The following SUCLG2 variants were observed in gnomAD, a reference collection of about 807,000 sequenced individuals.
SUCLG2 encodes succinate--CoA ligase [GDP-forming] subunit beta, mitochondrial.
A neutral mutation model predicts 47.9 loss-of-function variants in SUCLG2; 42 were observed. The observed-to-expected ratio is 0.88, with a 90% CI of 0.69 to 1.14. SUCLG2 has a LOEUF of 1.14. SUCLG2 is among the 50% of genes most tolerant of loss of function. SUCLG2 has a pLI of 0.00. For missense variants in SUCLG2, 571 were observed against 525.9 expected (o/e 1.09, Z -0.84); for synonymous variants, 195 against 197.3 (o/e 0.99, Z 0.10).
intron 9 of SUCLG2, among the ~76,000 whole-genome samples, chr3:67,488,821 T>C (rs977855289): frequency 3.3e-5 from 5 of 152,204 alleles, no homozygotes; most frequent in African/African-American, 1.2e-4. Context: ...CTTTGATTCA[T>C]GGTCCATTTC....
intron 1 of SUCLG2, among the ~76,000 whole-genome samples, chr3:67,631,045 T>C (rs78490999): frequency 1.7e-3 from 256 of 152,296 alleles, no homozygotes; most frequent in African/African-American, 5.5e-3. Context: ...GCAGATAAAC[T>C]TCTTGAGAGT....
intron 9 of SUCLG2, among the ~76,000 whole-genome samples, chr3:67,418,399 G>A (rs1703081771): frequency 6.6e-6 from 1 of 152,242 alleles, no homozygotes. Context: ...TCAGAAAGCT[G>A]AAGTAGTTTG....
At chr3:67,620,244 A>G (rs1430074580) in intron 1 of SUCLG2, among the ~76,000 whole-genome samples, 2 of 152,176 alleles carry the variant, frequency 1.3e-5, no homozygotes, top group Admixed American at 6.5e-5. Context: ...CACATTAATG[A>G]AGAGTGTAAT....
chr3:67,476,189 TACTGGTCCATGGCCTGTTAGGA>T (rs963020801), intron 9 of SUCLG2, among the ~76,000 whole-genome samples: 6 of 152,028 alleles, frequency 3.9e-5, no homozygotes, highest in Non-Finnish European at 7.4e-5. Context: ...CATGGACCAG[TACTGGTCCATGGCCTGTTAGGA>T]ACTGGGCCGC....
intron 2 of SUCLG2, among the ~76,000 whole-genome samples, chr3:67,593,431 T>C (rs975058506): frequency 6.6e-6 from 1 of 152,156 alleles, no homozygotes; most frequent in Non-Finnish European, 1.5e-5. Context: ...GCAAATAGCA[T>C]ATTCAATCGG....
intron 9 of SUCLG2, among the ~76,000 whole-genome samples, chr3:67,442,436 C>T (rs1385588765): frequency 6.6e-6 from 1 of 152,176 alleles, no homozygotes; most frequent in African/African-American, 2.4e-5. Flanking sequence ...GTCCCCACCC[C>T]GGGCTACTAA....
chr3:67,526,561 C>T (rs954715613), intron 4 of SUCLG2, among the ~76,000 whole-genome samples: 3 of 152,158 alleles, frequency 2.0e-5, no homozygotes, highest in Non-Finnish European at 2.9e-5. Context: ...AATTCACCAA[C>T]CACAATCTAC....
chr3:67,430,619 C>A (rs1023643979), intron 9 of SUCLG2, among the ~76,000 whole-genome samples: 3 of 151,886 alleles, frequency 2.0e-5, no homozygotes, highest in Non-Finnish European at 4.4e-5. Flanking sequence ...AACTGAAGGA[C>A]ATAGAGACAC....
At chr3:67,422,502 A>AAAAAAAAAAAAAAAAAAAAC in intron 9 of SUCLG2, among the ~76,000 whole-genome samples, 1 of 143,254 alleles carries the variant, frequency 7.0e-6, no homozygotes, top group Admixed American at 7.2e-5. Flanking sequence ...AAAAAAAAAA[A>AAAAAAAAAAAAAAAAAAAAC]AGAACATTCA....
At chr3:67,423,226 C>T (rs947632359) in intron 9 of SUCLG2, among the ~76,000 whole-genome samples, 1 of 152,128 alleles carries the variant, frequency 6.6e-6, no homozygotes. Context: ...TTGTAAGTGT[C>T]TGGCATTTCC....
At chr3:67,608,766 C>A (rs1202810433) in intron 2 of SUCLG2, among the ~76,000 whole-genome samples, 3 of 151,686 alleles carry the variant, frequency 2.0e-5, no homozygotes, top group Admixed American at 6.6e-5. Context: ...CAATCTCAAA[C>A]TCGTGGGCTC....
intron 6 of SUCLG2, among the ~76,000 whole-genome samples, chr3:67,517,104 T>A (rs1485995498): frequency 2.0e-5 from 3 of 152,190 alleles, no homozygotes; most frequent in African/African-American, 7.2e-5. Flanking sequence ...TTCTCTCTCA[T>A]CCTGAGGTTT....
At chr3:67,485,336 C>T (rs925563002) in intron 9 of SUCLG2, among the ~76,000 whole-genome samples, 2 of 152,156 alleles carry the variant, frequency 1.3e-5, no homozygotes, top group Non-Finnish European at 2.9e-5. Flanking sequence ...TTTTTCTTTC[C>T]TAAGTCTTAT....
intron 3 of SUCLG2, 47 bp from the exon 4 acceptor site, chr3:67,528,269 C>T (rs752637427): frequency 1.7e-5 from 27 of 1,560,396 alleles, no homozygotes; most frequent in African/African-American, 2.7e-5. Context: ...TGTTGAAAAT[C>T]ATTTAAATGA....
At chr3:67,412,128 G>T (rs532077086) in intron 9 of SUCLG2, among the ~76,000 whole-genome samples, 66 of 152,264 alleles carry the variant, frequency 4.3e-4, no homozygotes, top group Admixed American at 3.2e-3. Context: ...CTGTTGTGTG[G>T]AACAGAGATC....
At chr3:67,632,762 CAT>C (rs772008901) in intron 1 of SUCLG2, among the ~76,000 whole-genome samples, 35 of 152,176 alleles carry the variant, frequency 2.3e-4, no homozygotes, top group Admixed American at 3.3e-4. Context: ...AAGATTAACA[CAT>C]GTTTCCAAGG....
At chr3:67,542,950 A>G (rs748304156) in intron 2 of SUCLG2, among the ~76,000 whole-genome samples, 2 of 152,230 alleles carry the variant, frequency 1.3e-5, no homozygotes, top group Non-Finnish European at 2.9e-5. Context: ...ACTTGAACTC[A>G]GCTTTGGACC....
chr3:67,437,249 G>C (rs1703647442), intron 9 of SUCLG2, among the ~76,000 whole-genome samples: 1 of 152,086 alleles, frequency 6.6e-6, no homozygotes, highest in Admixed American at 6.6e-5. Context: ...AGCAGGTAAA[G>C]CCCACATGCA....
intron 2 of SUCLG2, among the ~76,000 whole-genome samples, chr3:67,603,566 A>G (rs1218478763): frequency 6.6e-6 from 1 of 152,232 alleles, no homozygotes; most frequent in Non-Finnish European, 1.5e-5. Context: ...ATTAGGCCAG[A>G]GAAGATTAAT....
Sources: allele counts gnomAD v4.1 joint callset (sites outside exome capture counted in the v4.1 genomes callset), GRCh38; gene constraint gnomAD v4.1.1; transcripts MANE v1.5; gene names NCBI Gene and HGNC (gene_info 2026-07-23, HGNC 2026-07-21).